EMB: variants seen among roughly 807,000 people sequenced by gnomAD.
EMB encodes the protein embigin homolog.
A neutral mutation model predicts 41.4 loss-of-function variants in EMB; 31 were observed. The observed-to-expected ratio is 0.75, with a 90% CI of 0.56 to 1.01. The LOEUF is 1.01. Ranked by LOEUF, EMB falls within the 50% of genes least tolerant of loss-of-function variation. The pLI is 0.00. For synonymous variants in EMB, 137 were observed against 140.4 expected (o/e 0.98, Z 0.17); for missense variants, 379 against 388.3 (o/e 0.98, Z 0.20).
intron 2 of EMB, among the ~76,000 whole-genome samples, chr5:50,427,375 A>G (rs1469556398): frequency 6.6e-6 from 1 of 152,112 alleles, no homozygotes; most frequent in Admixed American, 6.5e-5. Flanking sequence ...ATGGGAAGGC[A>G]CTAGAGCAAC....
chr5:50,432,617 ATGGGT>A (rs935919892), intron 1 of EMB, among the ~76,000 whole-genome samples: 3 of 151,896 alleles, frequency 2.0e-5, no homozygotes, highest in Admixed American at 1.3e-4. Flanking sequence ...ATGGAGAATT[ATGGGT>A]TTTAGGAGCA....
intron 5 of EMB, among the ~76,000 whole-genome samples, chr5:50,405,209 G>A (rs1454271687): frequency 6.6e-6 from 1 of 151,900 alleles, no homozygotes; most frequent in Non-Finnish European, 1.5e-5. Context: ...CTCTCAGGTA[G>A]CTTGAAAAGG....
Position 50,441,066 on chromosome 5 carries a change from G to C in EMB, c.86C>G (p.Pro29Arg). ...TGGGGCACTGCCGTCCGCCGAGCTT[G>C]GGCGCGCGGCAGCGAGAAGGCACTG... is the stretch of plus-strand genomic sequence containing the variant. ...LLQCLLAAAR[P>R]SSADGSAPDS... Residue 29 changes from proline (P) to arginine (R), a missense_variant, in exon 1 of 9, where the codon CCA becomes CGA. By Grantham distance (103) the Pro-to-Arg change is moderately radical. Transcript: ENST00000303221. 1 of 1,511,526 alleles carries C rather than the reference G, an allele frequency of 6.6e-7. No individual in the cohort carries two copies. Among genetic ancestry groups the C allele is most frequent in the African/African-American group, 1.4e-5 (1 of 70,144 alleles). The allele number at this position is 1,511,526 out of a possible 1,614,324, so 93.6% of individuals were successfully genotyped here.
In EMB at chr5:50,437,455, C is replaced by G. The variant is rs1249221734; in HGVS notation, c.112+3585G>C. On this transcript the variant is annotated intron_variant, in intron 1 of 8. Coordinates refer to ENST00000303221, the MANE Select transcript of EMB (RefSeq NM_198449.3). ...CACATTCTGAAGAGTTACTCTGAAT[C>G]TTTAATACTTTGTACCCCATCAAAC... Among the ~76,000 whole-genome samples, 4 of 152,116 alleles carry G rather than the reference C, an allele frequency of 2.6e-5. No individual in the cohort carries two copies. In the East Asian group the frequency reaches 7.7e-4, roughly 29 times the overall value.
chr5:50,403,658 T>C (rs1033525032), intron 5 of EMB, among the ~76,000 whole-genome samples: 7 of 151,886 alleles, frequency 4.6e-5, no homozygotes, highest in Non-Finnish European at 1.0e-4. Context: ...AAAAAATATA[T>C]ACATTGCTAT....
At chr5:50,419,359 A>C (rs1397484499) in intron 2 of EMB, among the ~76,000 whole-genome samples, 1 of 152,176 alleles carries the variant, frequency 6.6e-6, no homozygotes, top group African/African-American at 2.4e-5. Flanking sequence ...GCACATATCC[A>C]CTTCAATATA....
chr5:50,421,490 T>C lies in EMB; in HGVS notation c.196+6654A>G, dbSNP rs1303300589. On this transcript the variant is annotated intron_variant, in intron 2 of 8. Coordinates refer to ENST00000303221, the MANE Select transcript of EMB (RefSeq NM_198449.3). Reference sequence around the variant, plus strand: ...ACCATTGTGGAAGTCAGTGTGGCGATTCCTCAGGGATCTAGAACTAGAAAT... The same window carrying C: ...ACCATTGTGGAAGTCAGTGTGGCGACTCCTCAGGGATCTAGAACTAGAAAT... Among the ~76,000 whole-genome samples, 3 of 152,080 alleles carry C rather than the reference T, an allele frequency of 2.0e-5. No homozygotes were observed. The East Asian group carries it at 5.8e-4, about 29-fold the overall frequency.
chr5:50,434,963 T>C (rs1292279369), intron 1 of EMB, among the ~76,000 whole-genome samples: 2 of 152,204 alleles, frequency 1.3e-5, no homozygotes, highest in African/African-American at 4.8e-5. Context: ...AAAGTTAATG[T>C]GAAAAGATTA....
chr5:50,419,155 T>C (rs938956626), intron 2 of EMB, among the ~76,000 whole-genome samples: 1 of 152,224 alleles, frequency 6.6e-6, no homozygotes, highest in Non-Finnish European at 1.5e-5. Context: ...TCCCTGGCCC[T>C]GTATGCTCCC....
At chr5:50,430,194 G>T (rs1380134996) in intron 1 of EMB, among the ~76,000 whole-genome samples, 1 of 152,158 alleles carries the variant, frequency 6.6e-6, no homozygotes, top group Non-Finnish European at 1.5e-5. Context: ...AGGAAGCCAG[G>T]CGGGGGTGGA....
intron 2 of EMB, among the ~76,000 whole-genome samples, chr5:50,418,179 A>G (rs1285307464): frequency 6.6e-6 from 1 of 152,266 alleles, no homozygotes; most frequent in African/African-American, 2.4e-5. Flanking sequence ...CACTGCAACT[A>G]TTGTTTACAT....
upstream of EMB, chr5:50,441,298 G>A: frequency 2.3e-6 from 1 of 425,588 alleles, no homozygotes; most frequent in Non-Finnish European, 4.0e-6. Flanking sequence ...GGCGGAATGG[G>A]AGGGGCCCGG....
intron 5 of EMB, 42 bp from the exon 6 acceptor site, chr5:50,403,496 A>G: frequency 6.3e-7 from 1 of 1,588,974 alleles, no homozygotes; most frequent in Non-Finnish European, 8.6e-7. Context: ...ATCATAGCAC[A>G]TAAAAGATAC....
intron 1 of EMB, chr5:50,428,673 G>T (rs548118954): frequency 1.0e-3 from 1,013 of 985,246 alleles, no homozygotes; most frequent in Non-Finnish European, 1.2e-3. Flanking sequence ...TGGGCACCAG[G>T]GAACAGAGAA....
chr5:50,407,852 G>C (rs1450909053), intron 4 of EMB, among the ~76,000 whole-genome samples: 1 of 151,988 alleles, frequency 6.6e-6, no homozygotes, highest in Non-Finnish European at 1.5e-5. Flanking sequence ...CTAGTTTCTA[G>C]GAAGATGGGG....
chr5:50,438,061 T>C (rs1339608691), intron 1 of EMB, among the ~76,000 whole-genome samples: 2 of 152,160 alleles, frequency 1.3e-5, no homozygotes, highest in East Asian at 3.8e-4. Flanking sequence ...TTTAGATGCA[T>C]AGGCTATGCT....
At chr5:50,401,369 T>C (rs1463594839) in intron 7 of EMB, among the ~76,000 whole-genome samples, 1 of 152,066 alleles carries the variant, frequency 6.6e-6, no homozygotes, top group Non-Finnish European at 1.5e-5. Context: ...TCCATGCCTG[T>C]AACACTCACT....
rs1441765407 is a variant in EMB, at chr5:50,428,032, G to A, written c.196+112C>T. 5 of 691,898 alleles carry A rather than the reference G, an allele frequency of 7.2e-6. No individual in the cohort carries two copies. The African/African-American group carries it at 9.0e-5, about 12-fold the overall frequency. 42.9% of individuals were successfully genotyped at this position (691,898 alleles called of 1,614,324 possible). Reference sequence around the variant, plus strand: ...TCACTACTGGTATGTTTTCCCACCAGGCCAGGAACAGGGATTACCACTTCG... The same window carrying A: ...TCACTACTGGTATGTTTTCCCACCAAGCCAGGAACAGGGATTACCACTTCG... On this transcript the variant is annotated intron_variant, in intron 2 of 8. Coordinates refer to ENST00000303221, the MANE Select transcript of EMB (RefSeq NM_198449.3).
At chr5:50,441,345 G>C, upstream of EMB, 1 of 379,880 alleles carries the variant, frequency 2.6e-6, no homozygotes. Context: ...CTCTTACCGC[G>C]CCCGGCCCTC....
Sources: allele counts gnomAD v4.1 joint callset (sites outside exome capture counted in the v4.1 genomes callset), GRCh38; gene constraint gnomAD v4.1.1; transcripts MANE v1.5; gene names NCBI Gene and HGNC (gene_info 2026-07-23, HGNC 2026-07-21).